The following CADM2 variants were observed in gnomAD, a reference collection of about 807,000 sequenced individuals.
CADM2 encodes the protein cell adhesion molecule 2.
A neutral mutation model predicts 49.8 loss-of-function variants in CADM2; 12 were observed. The observed-to-expected ratio is 0.24, with a 90% CI of 0.15 to 0.39. The LOEUF (loss-of-function observed/expected upper bound fraction) is 0.39, where lower values mean the gene tolerates loss of function less well. Ranked by LOEUF, CADM2 falls within the 10% of genes least tolerant of loss-of-function variation. The probability of loss-of-function intolerance (pLI) is 1.00; values close to 1 mark genes in which losing one functional copy is unlikely to be tolerated. For synonymous variants in CADM2, 214 were observed against 175.4 expected (o/e 1.22, Z -1.74); for missense variants, 378 against 492.3 (o/e 0.77, Z 2.20).
chr3:85,266,706 A>T lies in CADM2; in HGVS notation c.61+307038A>T, dbSNP rs1323759718. ...AACAGATATAAGGTATTTCACATTG[A>T]ACTGTGCTTAATGATCTATTTTCAT... On this transcript the variant is annotated intron_variant, in intron 1 of 9. Transcript: ENST00000383699. Among the ~76,000 whole-genome samples the T allele has an allele frequency of 2.6e-5, 4 of 151,818 alleles. No homozygotes were observed. In the Admixed American group the frequency reaches 2.6e-4, roughly 10 times the overall value.
intron 8 of CADM2, among the ~76,000 whole-genome samples, chr3:86,041,299 G>C (rs1235942538): frequency 6.6e-6 from 1 of 152,112 alleles, no homozygotes; most frequent in Admixed American, 6.5e-5. Flanking sequence ...ATTGGATAAA[G>C]AGTCAAGACC....
chr3:86,018,677 T>C (rs918500650), intron 8 of CADM2, among the ~76,000 whole-genome samples: 3 of 152,322 alleles, frequency 2.0e-5, no homozygotes, highest in Admixed American at 2.0e-4. Flanking sequence ...AATGTCTTCT[T>C]TTGAGAAGTG....
chr3:85,648,155 T>C (rs2064943061), intron 1 of CADM2, among the ~76,000 whole-genome samples: 1 of 151,920 alleles, frequency 6.6e-6, no homozygotes, highest in Admixed American at 6.6e-5. Context: ...ACAAAGTTAA[T>C]TAAAATTTCC....
Position 86,067,299 on chromosome 3 carries a change from T to C in CADM2, c.*516T>C, listed in dbSNP as rs1487934299. On this transcript the variant is annotated 3_prime_UTR_variant, in exon 10 of 10. Coordinates refer to ENST00000383699, the MANE Select transcript of CADM2 (RefSeq NM_001167675.2). ...AAAGACAACATGCTTTGGAAACATA[T>C]GTCCTAGAAAACATAAAATTAAAAA... The C allele has an allele frequency of 6.5e-6, 1 of 152,778 alleles. No homozygotes were observed. Among genetic ancestry groups the C allele is most frequent in the Non-Finnish European group, 1.5e-5 (1 of 68,182 alleles). The allele number at this position is 152,778 out of a possible 1,614,324, so 9.5% of individuals were successfully genotyped here.
At chr3:85,705,575 CA>C (rs890023672) in intron 1 of CADM2, among the ~76,000 whole-genome samples, 7 of 152,120 alleles carry the variant, frequency 4.6e-5, no homozygotes, top group African/African-American at 1.4e-4. Context: ...CTATTGTTTC[CA>C]TCATGATTCC....
At chr3:85,462,242 A>G (rs2038281306) in intron 1 of CADM2, among the ~76,000 whole-genome samples, 3 of 152,136 alleles carry the variant, frequency 2.0e-5, no homozygotes, top group Non-Finnish European at 2.9e-5. Flanking sequence ...AATTTGAAAC[A>G]TTGTTACTTC....
chr3:86,062,721 G>A (rs1157667648), intron 8 of CADM2, among the ~76,000 whole-genome samples: 2 of 152,098 alleles, frequency 1.3e-5, no homozygotes, highest in African/African-American at 4.8e-5. Flanking sequence ...TCCCTGGGAG[G>A]TGGAGGTTGC....
intron 1 of CADM2, among the ~76,000 whole-genome samples, chr3:85,210,652 C>T (rs919584993): frequency 6.6e-6 from 1 of 152,078 alleles, no homozygotes; most frequent in African/African-American, 2.4e-5. Flanking sequence ...AGCCATCCTC[C>T]CACCTGAGCC....
At chr3:86,063,914 G>A (rs907286710) in intron 8 of CADM2, among the ~76,000 whole-genome samples, 3 of 152,012 alleles carry the variant, frequency 2.0e-5, no homozygotes, top group African/African-American at 7.2e-5. Context: ...CTTTGTCATA[G>A]GGCTGAGTCT....
chr3:85,636,937 G>A (rs2064506356), intron 1 of CADM2, among the ~76,000 whole-genome samples: 1 of 152,114 alleles, frequency 6.6e-6, no homozygotes, highest in East Asian at 1.9e-4. Flanking sequence ...GTCTCAGAAT[G>A]TATTCCTAAC....
chr3:85,096,602 A>G (rs1398251730), intron 1 of CADM2, among the ~76,000 whole-genome samples: 1 of 152,046 alleles, frequency 6.6e-6, no homozygotes, highest in Non-Finnish European at 1.5e-5. Context: ...GTATTAGTAC[A>G]GTGAGTTAAA....
rs1553656735 is a variant in CADM2, at chr3:85,658,615, T to TATATATATAC, written c.62-67904_62-67903insTATATACATA. Reference sequence around the variant, plus strand: ...ATATATATATATATATATATATATATATACATGTATGCATATGTTTGTTTA... The same window carrying TATATATATAC: ...ATATATATATATATATATATATATATATATATATACATACATGTATGCATATGTTTGTTTA... On this transcript the variant is annotated intron_variant, in intron 1 of 9. Coordinates refer to ENST00000383699, the MANE Select transcript of CADM2 (RefSeq NM_001167675.2). 2.6e-4 allele frequency among the ~76,000 whole-genome samples: 35 copies of TATATATATAC among 132,284 alleles called. 1 individual carries two copies. Among genetic ancestry groups the TATATATATAC allele is most frequent in the African/African-American group, 9.8e-4 (34 of 34,590 alleles). 86.8% of individuals were successfully genotyped at this position (132,284 alleles called of 152,430 possible). A position where few individuals can be genotyped will look rare whatever the true frequency, so the allele number is the denominator to read the frequency against.
At chr3:85,104,286 A>G (rs1310101925) in intron 1 of CADM2, among the ~76,000 whole-genome samples, 9 of 151,380 alleles carry the variant, frequency 5.9e-5, no homozygotes, top group African/African-American at 2.2e-4. Flanking sequence ...TTTTCCCAGC[A>G]CCATTTATTA....
intron 1 of CADM2, among the ~76,000 whole-genome samples, chr3:85,201,909 C>T (rs1324623822): frequency 2.6e-5 from 4 of 151,630 alleles, no homozygotes; most frequent in Non-Finnish European, 5.9e-5. Context: ...GGTGAAACCC[C>T]GTCTCTACTA....
Position 85,504,115 on chromosome 3 carries a change from G to A in CADM2, c.62-222407G>A, listed in dbSNP as rs144902206. 4.5e-3 allele frequency among the ~76,000 whole-genome samples: 692 copies of A among 152,244 alleles called. 7 individuals carry two copies. Among genetic ancestry groups the A allele is most frequent in the African/African-American group, 0.016 (660 of 41,530 alleles). On this transcript the variant is annotated intron_variant, in intron 1 of 9. Transcript: ENST00000383699. ...GTGAGTGTTACAGTTCTTAAAGGCG[G>A]CGTGTCCGGAGTTTGTTCCTTCTGA... is the stretch of plus-strand genomic sequence containing the variant.
At chr3:85,318,043 G>C (rs997034011) in intron 1 of CADM2, among the ~76,000 whole-genome samples, 3 of 151,924 alleles carry the variant, frequency 2.0e-5, no homozygotes, top group South Asian at 2.1e-4. Context: ...GGTGTGGCAA[G>C]TGCCTGTAGT....
intron 7 of CADM2, among the ~76,000 whole-genome samples, chr3:85,936,572 C>G (rs1209016752): frequency 6.6e-6 from 1 of 151,652 alleles, no homozygotes; most frequent in East Asian, 1.9e-4. Context: ...ATGTAATTTA[C>G]TTGATTTGTT....
intron 1 of CADM2, among the ~76,000 whole-genome samples, chr3:85,159,742 G>T (rs985615643): frequency 2.0e-5 from 3 of 151,986 alleles, no homozygotes; most frequent in African/African-American, 7.3e-5. Flanking sequence ...GTTCCATGAC[G>T]AATTTTACAG....
chr3:85,283,053 A>G, intron 1 of CADM2, among the ~76,000 whole-genome samples: 1 of 152,050 alleles, frequency 6.6e-6, no homozygotes, highest in East Asian at 1.9e-4. Flanking sequence ...AAAGTCAAAA[A>G]AAGTTGGTAG....
Sources: gnomAD v4.1 joint callset for allele counts (sites outside exome capture counted in the v4.1 genomes callset) on GRCh38, gnomAD v4.1.1 for gene constraint, MANE v1.5 for transcripts, NCBI Gene and HGNC (gene_info 2026-07-23, HGNC 2026-07-21) for gene names.